TBCEL: variants seen among roughly 807,000 people sequenced by gnomAD.
TBCEL encodes the protein tubulin folding cofactor E like.
A neutral mutation model predicts 44.2 loss-of-function variants in TBCEL; 15 were observed. The ratio of observed to expected loss-of-function variants is 0.34; its 90% CI spans 0.23 to 0.52. The LOEUF (loss-of-function observed/expected upper bound fraction) is 0.52, where lower values mean the gene tolerates loss of function less well. Ranked by LOEUF, TBCEL falls within the 20% of genes least tolerant of loss-of-function variation. The probability of loss-of-function intolerance (pLI) is 0.95; values close to 1 mark genes in which losing one functional copy is unlikely to be tolerated. For missense variants in TBCEL, 319 were observed against 506.3 expected, an observed-to-expected ratio of 0.63 and a Z score of 3.55; for synonymous variants, 171 against 185.4, an observed-to-expected ratio of 0.92 and a Z score of 0.63.
intron 4 of TBCEL, among the ~76,000 whole-genome samples, chr11:121,049,045 C>A (rs1214884126): frequency 6.6e-6 from 1 of 151,876 alleles, no homozygotes. Flanking sequence ...GCTTACTTGA[C>A]AGTTTTCCTA....
At chr11:121,086,673 T>G in intron 8 of TBCEL, 105 bp from the exon 9 acceptor site, 1 of 849,278 alleles carries the variant, frequency 1.2e-6, no homozygotes, top group Non-Finnish European at 1.8e-6. Flanking sequence ...ATAAGATTTT[T>G]TAAAGATGTT....
At chr11:121,081,438 A>G (rs1946123954) in intron 8 of TBCEL, among the ~76,000 whole-genome samples, 1 of 152,226 alleles carries the variant, frequency 6.6e-6, no homozygotes, top group Non-Finnish European at 1.5e-5. Context: ...GGGCTTATGA[A>G]TATTAAATAC....
At chr11:121,081,025 C>G (rs980504418) in intron 8 of TBCEL, among the ~76,000 whole-genome samples, 1 of 152,168 alleles carries the variant, frequency 6.6e-6, no homozygotes, top group African/African-American at 2.4e-5. Flanking sequence ...ACCTTCAACC[C>G]CACACTGCTG....
At chr11:121,032,007 T>A (rs1163987203) in intron 1 of TBCEL, among the ~76,000 whole-genome samples, 2 of 152,262 alleles carry the variant, frequency 1.3e-5, no homozygotes, top group African/African-American at 4.8e-5. Flanking sequence ...TTAAAAATGT[T>A]TTCTTTATGA....
intron 1 of TBCEL, among the ~76,000 whole-genome samples, chr11:121,024,853 G>A (rs1439220471): frequency 1.3e-5 from 2 of 152,196 alleles, no homozygotes; most frequent in East Asian, 3.9e-4. Context: ...TGTGGTAATT[G>A]AATAAGGGCT....
intron 6 of TBCEL, among the ~76,000 whole-genome samples, chr11:121,056,762 T>C (rs1945628908): frequency 6.6e-6 from 1 of 151,894 alleles, no homozygotes; most frequent in Non-Finnish European, 1.5e-5. Context: ...GCTTGTTTGC[T>C]ATCAGTATGT....
Position 121,054,507 on chromosome 11 carries a change from C to T in TBCEL, c.456-545C>T, listed in dbSNP as rs950256840. Among the ~76,000 whole-genome samples, 6 of 151,956 alleles carry T rather than the reference C, an allele frequency of 3.9e-5. No homozygotes were observed. In the South Asian group the frequency reaches 1.0e-3, roughly 26 times the overall value. ...ACTTAACTTCTTTGAGCTCAGTTTCCTTGTCTGTAAAATGGGCATAATTGC... is the reference window on the plus strand; with the variant it reads ...ACTTAACTTCTTTGAGCTCAGTTTCTTTGTCTGTAAAATGGGCATAATTGC... On this transcript the variant is annotated intron_variant, in intron 5 of 8. Transcript: ENST00000683345.
chr11:121,064,413 G>GT (rs1338219312), intron 8 of TBCEL, among the ~76,000 whole-genome samples: 1 of 152,174 alleles, frequency 6.6e-6, no homozygotes, highest in Non-Finnish European at 1.5e-5. Context: ...TTGCTTTAGT[G>GT]TTTTTGTTGA....
chr11:121,057,734 G>T, intron 6 of TBCEL: 1 of 390,880 alleles, frequency 2.6e-6, no homozygotes, highest in South Asian at 2.0e-5. Context: ...GATAAAGTAT[G>T]CAGGAGGGTT....
In TBCEL at chr11:121,045,766, C is replaced by T. The variant is rs769967053; in HGVS notation, c.76C>T (p.Arg26Cys). 4 of 1,611,588 alleles carry T rather than the reference C, an allele frequency of 2.5e-6. No homozygotes were observed. In the African/African-American group the frequency reaches 4.0e-5, roughly 16 times the overall value. ...KYSPENFPYR[R>C]GPGMGVHVPA... ...TAGTCCTGAAAATTTTCCTTATCGC[C>T]GTGGCCCGGGGATGGGAGTCCATGT... is the stretch of plus-strand genomic sequence containing the variant. Residue 26 changes from arginine to cysteine, a missense_variant, in exon 3 of 9, where the codon CGT (arginine) becomes TGT (cysteine). Transcript: ENST00000683345.
chr11:121,069,019 C>T (rs111896674), intron 8 of TBCEL, among the ~76,000 whole-genome samples: 53 of 152,296 alleles, frequency 3.5e-4, no homozygotes, highest in African/African-American at 1.2e-3. Flanking sequence ...GCTTCATTCT[C>T]TCCCTCGCTG....
chr11:121,075,949 A>C (rs2135003034), intron 8 of TBCEL, among the ~76,000 whole-genome samples: 1 of 151,900 alleles, frequency 6.6e-6, no homozygotes, highest in East Asian at 1.9e-4. Context: ...TGGTAAGACT[A>C]TCCTTTTTCT....
In TBCEL at chr11:121,087,303, C is replaced by T. The variant is rs767704806; in HGVS notation, c.*207C>T. On this transcript the variant is annotated 3_prime_UTR_variant, in exon 9 of 9. Transcript: ENST00000683345. ...CCACAGATTGATTTGGCTCAGCCAG[C>T]GGAATTGGCCACATTTCCAGTGTAT... 9 of 550,398 alleles carry T rather than the reference C, an allele frequency of 1.6e-5. No individual in the cohort carries two copies. The highest frequency in any genetic ancestry group is 2.9e-5 in the Non-Finnish European group (9 of 311,426). The allele number at this position is 550,398 out of a possible 1,614,324, so 34.1% of individuals were successfully genotyped here.
intron 8 of TBCEL, among the ~76,000 whole-genome samples, chr11:121,061,412 T>A (rs950152767): frequency 1.3e-5 from 2 of 151,892 alleles, no homozygotes; most frequent in African/African-American, 4.8e-5. Flanking sequence ...TACATGTACA[T>A]ACATACATAC....
intron 7 of TBCEL, among the ~76,000 whole-genome samples, chr11:121,058,977 C>T (rs1192202988): frequency 6.6e-6 from 1 of 151,912 alleles, no homozygotes; most frequent in Non-Finnish European, 1.5e-5. Flanking sequence ...TGTGTCTCAG[C>T]CTCTGCCTCC....
At chr11:121,080,639 T>C (rs1946108340) in intron 8 of TBCEL, among the ~76,000 whole-genome samples, 6 of 152,198 alleles carry the variant, frequency 3.9e-5, no homozygotes, top group Admixed American at 3.3e-4. Flanking sequence ...TAATCAAACC[T>C]GAGAAAAAAT....
chr11:121,084,288 T>C (rs1160012315), intron 8 of TBCEL, among the ~76,000 whole-genome samples: 1 of 152,216 alleles, frequency 6.6e-6, no homozygotes, highest in African/African-American at 2.4e-5. Context: ...GGTGGTTTGC[T>C]CCTCAGTTTG....
intron 6 of TBCEL, among the ~76,000 whole-genome samples, chr11:121,057,769 T>G (rs1405082347): frequency 6.6e-6 from 1 of 151,868 alleles, no homozygotes; most frequent in Non-Finnish European, 1.5e-5. Context: ...GCAAATGCTA[T>G]ACTGTTTTAT....
At chr11:121,031,989 T>C (rs1056139138) in intron 1 of TBCEL, among the ~76,000 whole-genome samples, 1 of 152,228 alleles carries the variant, frequency 6.6e-6, no homozygotes, top group African/African-American at 2.4e-5. Flanking sequence ...ACTTTATTTT[T>C]ATGGATTTTA....
Sources: gnomAD v4.1 joint callset for allele counts (sites outside exome capture counted in the v4.1 genomes callset) on GRCh38, gnomAD v4.1.1 for gene constraint, MANE v1.5 for transcripts, NCBI Gene and HGNC (gene_info 2026-07-23, HGNC 2026-07-21) for gene names.